BRAF: variants seen among roughly 807,000 people sequenced by gnomAD.
BRAF encodes the protein serine/threonine-protein kinase B-raf.
A neutral mutation model predicts 104.6 loss-of-function variants in BRAF; 16 were observed. That is an observed-to-expected ratio of 0.15 (90% CI 0.10 to 0.23). The LOEUF (loss-of-function observed/expected upper bound fraction) is 0.23. Among genes scored for constraint, BRAF ranks in the 10% least tolerant of loss-of-function variants. BRAF has a pLI of 1.00. For missense variants in BRAF, 541 were observed against 937.3 expected (o/e 0.58, Z 5.52); for synonymous variants, 310 against 341.6 (o/e 0.91, Z 1.02).
At chr7:140,763,688 A>G (rs1799019333) in intron 14 of BRAF, among the ~76,000 whole-genome samples, 1 of 152,246 alleles carries the variant, frequency 6.6e-6, no homozygotes, top group Admixed American at 6.5e-5. Context: ...AATAAACTAG[A>G]AAATCTAGAA....
chr7:140,763,073 T>C (rs1586060307), intron 14 of BRAF, among the ~76,000 whole-genome samples: 1 of 152,342 alleles, frequency 6.6e-6, no homozygotes, highest in Non-Finnish European at 1.5e-5. Flanking sequence ...CTCCTTCTAT[T>C]CCACAAAACC....
intron 14 of BRAF, among the ~76,000 whole-genome samples, chr7:140,763,270 C>T (rs1286662189): frequency 6.6e-6 from 1 of 151,190 alleles, no homozygotes; most frequent in African/African-American, 2.4e-5. Flanking sequence ...GACGGGGTGG[C>T]TGGCCGGGCG....
Position 140,794,365 on chromosome 7 carries a change from G to A in BRAF, c.1083C>T (p.Asp361=), listed in dbSNP as rs1802303516. ...GCACATTGGGAGCTGATGAGGATCG[G>A]TCTCGTTGCCCAAATTGATTTCGAT... is the stretch of plus-strand genomic sequence containing the variant. ...EDHRNQFGQR[D]RSSSAPNVHI... The change falls in exon 8 of 20, where the codon GAC becomes GAT. Residue 361 remains aspartate (D), a synonymous_variant. Transcript: ENST00000644969. The A allele has an allele frequency of 4.3e-6, 7 of 1,614,024 alleles. No individual in the cohort carries two copies. The highest frequency in any genetic ancestry group is 5.9e-6 in the Non-Finnish European group (7 of 1,180,006).
downstream of BRAF, among the ~76,000 whole-genome samples, chr7:140,717,494 C>G (rs1413099191): frequency 6.6e-6 from 1 of 152,130 alleles, no homozygotes; most frequent in Non-Finnish European, 1.5e-5. Context: ...GTGATCCTCC[C>G]ACTTTAGCCT....
chr7:140,907,256 G>GT (rs1039247380), intron 1 of BRAF, among the ~76,000 whole-genome samples: 2 of 152,000 alleles, frequency 1.3e-5, no homozygotes, highest in African/African-American at 2.4e-5. Flanking sequence ...ATTAAGTTGG[G>GT]TTTTTCCCCC....
Position 140,722,354 on chromosome 7 carries a change from T to TTAATAA in BRAF, c.*4139_*4140insTTATTA. 1 of 1,054,848 alleles carries TTAATAA rather than the reference T, an allele frequency of 9.5e-7. No homozygotes were observed. The highest frequency in any genetic ancestry group is 1.1e-6 in the Non-Finnish European group (1 of 872,816). 65.3% of individuals were successfully genotyped at this position (1,054,848 alleles called of 1,614,324 possible). On this transcript the variant is annotated 3_prime_UTR_variant, in exon 20 of 20. Coordinates refer to ENST00000644969, the MANE Select transcript of BRAF (RefSeq NM_001374258.1). ...TCTAAAAATTATTAACACAGCTGAG[T>TTAATAA]TAAACCAGAGTGGCTGCTCTCTTCA...
intron 1 of BRAF, among the ~76,000 whole-genome samples, chr7:140,922,700 C>T (rs146288546): frequency 5.9e-4 from 90 of 152,280 alleles, no homozygotes; most frequent in African/African-American, 2.1e-3. Context: ...CTGGAGAAAA[C>T]AGACAGCAGA....
At chr7:140,772,912 C>G (rs760727803) in intron 14 of BRAF, among the ~76,000 whole-genome samples, 1 of 152,152 alleles carries the variant, frequency 6.6e-6, no homozygotes, top group Non-Finnish European at 1.5e-5. Context: ...ACTACGTTAA[C>G]TCCTTTTAAA....
chr7:140,764,066 G>A (rs1399013694), intron 14 of BRAF, among the ~76,000 whole-genome samples: 5 of 152,122 alleles, frequency 3.3e-5, no homozygotes, highest in African/African-American at 4.8e-5. Context: ...CTGGCAAACC[G>A]AATCCAGCAG....
chr7:140,875,415 G>A (rs1490331092), intron 1 of BRAF, among the ~76,000 whole-genome samples: 6 of 152,098 alleles, frequency 3.9e-5, no homozygotes, highest in Admixed American at 1.3e-4. Flanking sequence ...TTGCTCTGTC[G>A]CCCAGGCTGG....
intron 3 of BRAF, among the ~76,000 whole-genome samples, chr7:140,811,577 A>G (rs2129049740): frequency 6.6e-6 from 1 of 152,310 alleles, no homozygotes; most frequent in South Asian, 2.1e-4. Flanking sequence ...GATCTTATTT[A>G]TACCTAATAG....
At chr7:140,891,919 C>G (rs917229544) in intron 1 of BRAF, among the ~76,000 whole-genome samples, 1 of 152,182 alleles carries the variant, frequency 6.6e-6, no homozygotes, top group Non-Finnish European at 1.5e-5. Flanking sequence ...ATACTACACA[C>G]AAGCAATGTT....
At chr7:140,898,325 T>C (rs1341858982) in intron 1 of BRAF, among the ~76,000 whole-genome samples, 2 of 147,464 alleles carry the variant, frequency 1.4e-5, no homozygotes, top group African/African-American at 5.0e-5. Context: ...AAAAAAGAAA[T>C]AAAAATAAAT....
At chr7:140,861,079 T>C (rs1810366190) in intron 1 of BRAF, among the ~76,000 whole-genome samples, 1 of 152,202 alleles carries the variant, frequency 6.6e-6, no homozygotes, top group Non-Finnish European at 1.5e-5. Context: ...TATACAACTT[T>C]TAAAATGTCA....
At position 140,888,162 on chromosome 7, in the gene BRAF, T is replaced by C. The variant is rs140295203; in HGVS notation, c.138+36404A>G. Among the ~76,000 whole-genome samples, 1,440 of 152,336 alleles carry C rather than the reference T, an allele frequency of 9.5e-3. 71 individuals carry two copies. Among genetic ancestry groups the C allele is most frequent in the Admixed American group, 0.084 (1,278 of 15,294 alleles). On this transcript the variant is annotated intron_variant, in intron 1 of 19. Coordinates refer to ENST00000644969, the MANE Select transcript of BRAF (RefSeq NM_001374258.1). Reference sequence around the variant, plus strand: ...TGCTGGGATCACAGGCGTAAGCCACTGTGCCTGGCCTCAGCATTTAATATT... The same window carrying C: ...TGCTGGGATCACAGGCGTAAGCCACCGTGCCTGGCCTCAGCATTTAATATT...
In BRAF at chr7:140,921,264, A is replaced by G. The variant is rs192670743; in HGVS notation, c.138+3302T>C. ...ACTATTTCATACCATATGGCCATAGAAAAAAAATCAGGTAAATATAAATGG... is the reference window on the plus strand; with the variant it reads ...ACTATTTCATACCATATGGCCATAGGAAAAAAATCAGGTAAATATAAATGG... On this transcript the variant is annotated intron_variant, in intron 1 of 19. Coordinates refer to ENST00000644969, the MANE Select transcript of BRAF (RefSeq NM_001374258.1). Among the ~76,000 whole-genome samples, 846 of 152,170 alleles carry G rather than the reference A, an allele frequency of 5.6e-3. 11 individuals carry two copies. The highest frequency in any genetic ancestry group is 0.01 in the Non-Finnish European group (683 of 67,964).
intron 19 of BRAF, chr7:140,734,087 AAT>A (rs1796188071): frequency 9.7e-7 from 1 of 1,034,698 alleles, no homozygotes; most frequent in Non-Finnish European, 1.2e-6. Flanking sequence ...TATAAAAAGA[AAT>A]AGTTATAGAA....
rs750556299 is a variant in BRAF, at chr7:140,781,643, C to A, written c.1485G>T (p.Gly495=). 2 of 1,613,972 alleles carry A rather than the reference C, an allele frequency of 1.2e-6. No individual in the cohort carries two copies. The highest frequency in any genetic ancestry group is 1.7e-6 in the Non-Finnish European group (2 of 1,180,000). The stretch of plus-strand genomic sequence containing the variant: ...CAATTCTTTGTCCCACTGTAATCTG[C>A]CCATCAGGAATCTCCCAATCATCAC... The part of the protein sequence containing the change: ...DSSDDWEIPD[G]QITVGQRIGS... Residue 495 remains glycine (G), a synonymous_variant, in exon 12 of 20, where the codon GGG becomes GGT. Coordinates refer to ENST00000644969, the MANE Select transcript of BRAF (RefSeq NM_001374258.1).
intron 14 of BRAF, among the ~76,000 whole-genome samples, chr7:140,765,469 A>T (rs1480402108): frequency 6.6e-6 from 1 of 152,204 alleles, no homozygotes; most frequent in Admixed American, 6.5e-5. Context: ...TAAACTAAAG[A>T]GCTTCTGCAC....
Sources: gnomAD v4.1 joint callset for allele counts (sites outside exome capture counted in the v4.1 genomes callset) on GRCh38, gnomAD v4.1.1 for gene constraint, MANE v1.5 for transcripts, NCBI Gene and HGNC (gene_info 2026-07-23, HGNC 2026-07-21) for gene names.